GNA15: variants seen among roughly 807,000 people sequenced by gnomAD.
The protein encoded by GNA15 is G protein subunit alpha 15.
In GNA15, 23 loss-of-function variants were observed where a neutral mutation model predicts 40.1. The observed-to-expected ratio is 0.57, with a 90% CI of 0.41 to 0.81. The LOEUF is 0.81. Among genes scored for constraint, GNA15 ranks in the 40% least tolerant of loss-of-function variants. GNA15 has a pLI of 0.00. For synonymous variants in GNA15, 226 were observed against 210.4 expected, an observed-to-expected ratio of 1.07 and a Z score of -0.64; for missense variants, 522 against 515.8, an observed-to-expected ratio of 1.01 and a Z score of -0.12.
intron 6 of GNA15, among the ~76,000 whole-genome samples, chr19:3,161,736 C>A (rs1915141475): frequency 6.6e-6 from 1 of 152,172 alleles, no homozygotes; most frequent in Non-Finnish European, 1.5e-5. Flanking sequence ...GACTCCCAGC[C>A]CTACCCTCCA....
chr19:3,158,411 C>T (rs1200863708), intron 6 of GNA15, among the ~76,000 whole-genome samples: 1 of 152,094 alleles, frequency 6.6e-6, no homozygotes, highest in East Asian at 1.9e-4. Context: ...CTCAGCCTCC[C>T]AAAGTGCTAG....
chr19:3,159,704 T>C (rs1915103420), intron 6 of GNA15, among the ~76,000 whole-genome samples: 1 of 152,258 alleles, frequency 6.6e-6, no homozygotes, highest in African/African-American at 2.4e-5. Context: ...AGCTTAGTTT[T>C]GTAATACAAT....
At chr19:3,148,822 G>T (rs1035979292) in intron 2 of GNA15, 47 bp downstream of exon 2, 6 of 1,511,516 alleles carry the variant, frequency 4.0e-6, no homozygotes, top group Non-Finnish European at 5.3e-6. Context: ...AGGGGCCCAG[G>T]GCAGGGTTCC....
intron 1 of GNA15, among the ~76,000 whole-genome samples, chr19:3,140,899 G>A (rs915393054): frequency 1.6e-4 from 25 of 152,202 alleles, no homozygotes; most frequent in African/African-American, 6.0e-4. Flanking sequence ...TACTGATGGA[G>A]GGCAGGGGAT....
At chr19:3,137,320 A>G (rs1914480820) in intron 1 of GNA15, among the ~76,000 whole-genome samples, 1 of 152,230 alleles carries the variant, frequency 6.6e-6, no homozygotes, top group African/African-American at 2.4e-5. Context: ...CGGAGGCTTC[A>G]GATGGGGGAG....
Position 3,136,682 on chromosome 19 carries a change from C to A in GNA15, c.145+87C>A, listed in dbSNP as rs1424528264. The stretch of plus-strand genomic sequence containing the variant: ...TGTCGGGGCAAGGAGGCGGATCAGG[C>A]TAGGTCAGACATTGGCATCGTGGAG... On this transcript the variant is annotated intron_variant, in intron 1 of 6. Transcript: ENST00000262958. This position sits in a 1 kb window ranked among gnomAD's most constrained non-coding sequence, Gnocchi z 4.9. The A allele has an allele frequency of 1.6e-6, 2 of 1,251,078 alleles. No homozygotes were observed. Among genetic ancestry groups the A allele is most frequent in the Non-Finnish European group, 2.2e-6 (2 of 893,712 alleles). 77.5% of individuals were successfully genotyped at this position (1,251,078 alleles called of 1,614,324 possible).
intron 1 of GNA15, among the ~76,000 whole-genome samples, chr19:3,147,760 G>A (rs1214899658): frequency 1.3e-5 from 2 of 150,890 alleles, no homozygotes; most frequent in African/African-American, 2.4e-5. Context: ...GGTGGCGGGT[G>A]CCTGTAGTCC....
intron 1 of GNA15, among the ~76,000 whole-genome samples, chr19:3,140,638 G>GC (rs1329327798): frequency 2.0e-5 from 3 of 152,158 alleles, no homozygotes; most frequent in Admixed American, 2.0e-4. Context: ...TATACAGCAA[G>GC]CAACAAAAGG....
intron 2 of GNA15, chr19:3,149,066 C>T: frequency 1.0e-5 from 4 of 400,038 alleles, no homozygotes; most frequent in Non-Finnish European, 1.4e-5. Context: ...GATACACACG[C>T]ATGCCCACAT....
Position 3,163,260 on chromosome 19 carries a change from G to A in GNA15, c.*241G>A, listed in dbSNP as rs1915182669. 1 of 551,204 alleles carries A rather than the reference G, an allele frequency of 1.8e-6. No individual in the cohort carries two copies. Among genetic ancestry groups the A allele is most frequent in the Non-Finnish European group, 3.3e-6 (1 of 306,484 alleles). 34.1% of individuals were successfully genotyped at this position (551,204 alleles called of 1,614,324 possible). Reference sequence around the variant, plus strand: ...TCCTTTGAAAGGGAAGGAGCAAAACGGCCATTTGGGATGCCAGGGTGGATG... The same window carrying A: ...TCCTTTGAAAGGGAAGGAGCAAAACAGCCATTTGGGATGCCAGGGTGGATG... On this transcript the variant is annotated 3_prime_UTR_variant, in exon 7 of 7. Transcript: ENST00000262958.
rs773083225 is a variant in GNA15, at chr19:3,151,777, C to T, written c.556C>T (p.Arg186Cys). Reference protein sequence around the residue: ...VPTAQDVLRSRMPTTGINEYC... With the variant: ...VPTAQDVLRSCMPTTGINEYC... ...CACAGCTCAGGACGTGCTCCGCAGCCGCATGCCCACCACTGGCATCAACGA... is the reference window on the plus strand; with the variant it reads ...CACAGCTCAGGACGTGCTCCGCAGCTGCATGCCCACCACTGGCATCAACGA... Residue 186 changes from arginine to cysteine, a missense_variant, in exon 4 of 7, where the codon CGC becomes TGC. Coordinates refer to ENST00000262958, the MANE Select transcript of GNA15 (RefSeq NM_002068.4). The surrounding 1 kb of genome is among the most constrained non-coding windows in gnomAD (Gnocchi z 5.0). 7 of 1,612,768 alleles carry T rather than the reference C, an allele frequency of 4.3e-6. No homozygotes were observed. The highest frequency in any genetic ancestry group is 3.3e-5 in the Admixed American group (2 of 59,958).
rs1191752115 is a variant in GNA15, at chr19:3,145,336, A to AATATAT, written c.146-3236_146-3231dup. ...CAGTGTGCACCACTACGTCTGACTA[A>AATATAT]ATATATATATATATATATATATATT... On this transcript the variant is annotated intron_variant, in intron 1 of 6. Coordinates refer to ENST00000262958, the MANE Select transcript of GNA15 (RefSeq NM_002068.4). Among the ~76,000 whole-genome samples the AATATAT allele has an allele frequency of 4.0e-3, 240 of 60,192 alleles. 3 individuals carry two copies. Among genetic ancestry groups the AATATAT allele is most frequent in the African/African-American group, 0.016 (200 of 12,554 alleles). 39.5% of individuals were successfully genotyped at this position (60,192 alleles called of 152,430 possible).
At chr19:3,138,693 C>T (rs112024082) in intron 1 of GNA15, among the ~76,000 whole-genome samples, 42,533 of 151,410 alleles carry the variant, frequency 0.28, 6,123 homozygotes, top group Non-Finnish European at 0.32. Context: ...TGCAGTGGTG[C>T]GATCTCAACT....
chr19:3,148,973 G>T, intron 2 of GNA15, 198 bp downstream of exon 2: 3 of 584,790 alleles, frequency 5.1e-6, no homozygotes, highest in South Asian at 4.2e-5. Context: ...GCACACACAA[G>T]TATACACGCA....
intron 6 of GNA15, among the ~76,000 whole-genome samples, chr19:3,159,715 G>T (rs1394987127): frequency 6.6e-6 from 1 of 152,188 alleles, no homozygotes; most frequent in African/African-American, 2.4e-5. Flanking sequence ...GTAATACAAT[G>T]ACCTTCTTTC....
At position 3,148,734 on chromosome 19, in the gene GNA15, A is replaced by G. The variant is rs925980060; in HGVS notation, c.289A>G (p.Met97Val). 6.2e-7 allele frequency: 1 copy of G among 1,604,000 alleles called. No homozygotes were observed. Among genetic ancestry groups the G allele is most frequent in the African/African-American group, 1.3e-5 (1 of 74,780 alleles). The change falls in exon 2 of 7, where the codon ATG becomes GTG. Residue 97 changes from methionine to valine, a missense_variant. Transcript: ENST00000262958. The stretch of plus-strand genomic sequence containing the variant: ...GTCCATGCGGGCCATGATCGAGGCC[A>G]TGGAGCGGCTGCAGATTCCATTCAG... ...FVSMRAMIEA[M>V]ERLQIPFSRP...
Position 3,151,849 on chromosome 19 carries a change from C to G in GNA15, c.614+14C>G, listed in dbSNP as rs138939446. 1.0e-3 allele frequency: 1,605 copies of G among 1,592,220 alleles called. 13 individuals carry two copies. The African/African-American group carries it at 0.018, about 18-fold the overall frequency. ...AACCAACCTGCGGTGAGCGCTCCACCTAGGCCCAGCCTAGGGGGCAGGGAA... is the reference window on the plus strand; with the variant it reads ...AACCAACCTGCGGTGAGCGCTCCACGTAGGCCCAGCCTAGGGGGCAGGGAA... On this transcript the variant is annotated intron_variant, in intron 4 of 6. Transcript: ENST00000262958. The surrounding 1 kb of genome is among the most constrained non-coding windows in gnomAD (Gnocchi z 5.0).
Position 3,136,849 on chromosome 19 carries a change from C to G in GNA15, c.145+254C>G, listed in dbSNP as rs1327458263. Among the ~76,000 whole-genome samples the G allele has an allele frequency of 4.6e-5, 7 of 152,258 alleles. No homozygotes were observed. The highest frequency in any genetic ancestry group is 8.8e-5 in the Non-Finnish European group (6 of 68,042). On this transcript the variant is annotated intron_variant, in intron 1 of 6. Transcript: ENST00000262958. This position sits in a 1 kb window ranked among gnomAD's most constrained non-coding sequence, Gnocchi z 4.9. ...GCCTGTCCACTGTGTGGGGCATATA[C>G]AATAGCAGACGTGGCTCTACCGGGC...
rs1914882804 is a variant in GNA15 at position 3,151,623 on chromosome 19, G to C, written c.486-84G>C. 3 of 1,438,948 alleles carry C rather than the reference G, an allele frequency of 2.1e-6. No individual in the cohort carries two copies. The highest frequency in any genetic ancestry group is 2.8e-6 in the Non-Finnish European group (3 of 1,088,674). 89.1% of individuals were successfully genotyped at this position (1,438,948 alleles called of 1,614,324 possible). On this transcript the variant is annotated intron_variant, in intron 3 of 6. Coordinates refer to ENST00000262958, the MANE Select transcript of GNA15 (RefSeq NM_002068.4). This position sits in a 1 kb window ranked among gnomAD's most constrained non-coding sequence, Gnocchi z 5.0. ...CCAGGGAGCTCTCCTCCCCCAGCAG[G>C]GTCCTTGCTGGGCCTTTCGTAGGGC...
Sources: allele counts gnomAD v4.1 joint callset (sites outside exome capture counted in the v4.1 genomes callset), GRCh38; gene constraint gnomAD v4.1.1; non-coding constraint Gnocchi (gnomAD v3.1); transcripts MANE v1.5; gene names NCBI Gene and HGNC (gene_info 2026-07-23, HGNC 2026-07-21).